YIPF1: variants seen among roughly 807,000 people sequenced by gnomAD.
The protein encoded by YIPF1 is Yip1 domain family member 1.
In YIPF1, 22 loss-of-function variants were observed where a neutral mutation model predicts 37.0. That is an observed-to-expected ratio of 0.59 (90% confidence interval 0.42 to 0.85). YIPF1 has a LOEUF of 0.85. YIPF1 is among the 40% of genes least tolerant of loss of function. YIPF1 has a pLI of 0.00. For synonymous variants in YIPF1, 128 were observed against 131.9 expected, an observed-to-expected ratio of 0.97 and a Z score of 0.21; for missense variants, 355 against 373.1, an observed-to-expected ratio of 0.95 and a Z score of 0.40.
intron 10 of YIPF1, among the ~76,000 whole-genome samples, chr1:53,854,506 A>G (rs1309255216): frequency 6.6e-6 from 1 of 152,150 alleles, no homozygotes; most frequent in Non-Finnish European, 1.5e-5. Context: ...TGGCTGCACT[A>G]TCGCATGGGC....
At chr1:53,863,962 G>A (rs778892528) in intron 9 of YIPF1, among the ~76,000 whole-genome samples, 1 of 152,018 alleles carries the variant, frequency 6.6e-6, no homozygotes, top group Non-Finnish European at 1.5e-5. Context: ...GGCTGATCTC[G>A]AACTCCTGAG....
chr1:53,856,802 G>A, intron 10 of YIPF1, among the ~76,000 whole-genome samples: 1 of 152,302 alleles, frequency 6.6e-6, no homozygotes, highest in East Asian at 1.9e-4. Flanking sequence ...ACAAGTTTGT[G>A]CTTGTGACTG....
chr1:53,876,309 T>A (rs1380014063), intron 6 of YIPF1, among the ~76,000 whole-genome samples: 2 of 152,228 alleles, frequency 1.3e-5, no homozygotes, highest in Admixed American at 1.3e-4. Flanking sequence ...GTGGTTTATT[T>A]TTTTACTTTA....
intron 9 of YIPF1, among the ~76,000 whole-genome samples, chr1:53,861,785 AG>A (rs1649889743): frequency 6.6e-6 from 1 of 152,068 alleles, no homozygotes; most frequent in Non-Finnish European, 1.5e-5. Context: ...AGGCCAAGGC[AG>A]GTGGATCATT....
intron 10 of YIPF1, among the ~76,000 whole-genome samples, chr1:53,856,388 G>A (rs1649719249): frequency 1.3e-5 from 2 of 152,170 alleles, no homozygotes; most frequent in Admixed American, 6.5e-5. Context: ...TCAACATGGC[G>A]ATGTCAGGTA....
intron 9 of YIPF1, 44 bp downstream of exon 9, chr1:53,866,156 T>C: frequency 6.3e-7 from 1 of 1,589,870 alleles, no homozygotes; most frequent in South Asian, 1.1e-5. Flanking sequence ...CTTTTAGCAT[T>C]TGGATATAAA....
intron 5 of YIPF1, 72 bp from the exon 6 acceptor site, chr1:53,878,474 A>C (rs1650393942): frequency 1.3e-6 from 2 of 1,544,944 alleles, no homozygotes; most frequent in African/African-American, 2.8e-5. Flanking sequence ...ACAAAATTGA[A>C]ACTCAGTCAT....
intron 7 of YIPF1, among the ~76,000 whole-genome samples, chr1:53,868,969 G>A (rs1650102480): frequency 6.6e-6 from 1 of 152,146 alleles, no homozygotes; most frequent in South Asian, 2.1e-4. Flanking sequence ...CTACTTGAAG[G>A]CAGGATCTAT....
At chr1:53,859,645 A>G (rs1316200780) in intron 10 of YIPF1, among the ~76,000 whole-genome samples, 1 of 152,170 alleles carries the variant, frequency 6.6e-6, no homozygotes, top group African/African-American at 2.4e-5. Context: ...AGCTTGGGCA[A>G]CAAGAGCGAA....
chr1:53,887,163 T>C (rs530924573), intron 3 of YIPF1, among the ~76,000 whole-genome samples: 2 of 151,944 alleles, frequency 1.3e-5, no homozygotes, highest in African/African-American at 4.9e-5. Flanking sequence ...CTCGGTTCAC[T>C]GCAACCTCTG....
chr1:53,864,580 T>C (rs759141911), intron 9 of YIPF1, among the ~76,000 whole-genome samples: 7 of 152,252 alleles, frequency 4.6e-5, no homozygotes, highest in Non-Finnish European at 1.0e-4. Flanking sequence ...GATCAAATGA[T>C]GCCAAAGAAA....
At chr1:53,860,021 G>C in intron 10 of YIPF1, 35 bp downstream of exon 10, 1 of 1,602,506 alleles carries the variant, frequency 6.2e-7, no homozygotes. Flanking sequence ...ATGTTTTATG[G>C]CACCACACAG....
intron 3 of YIPF1, among the ~76,000 whole-genome samples, chr1:53,884,154 G>A (rs990790100): frequency 1.0e-4 from 15 of 149,492 alleles, no homozygotes; most frequent in African/African-American, 3.2e-4. Context: ...AGGACTGCTC[G>A]AGCCTCAGAG....
intron 6 of YIPF1, among the ~76,000 whole-genome samples, chr1:53,871,759 G>A (rs772228123): frequency 2.0e-5 from 3 of 152,114 alleles, no homozygotes; most frequent in Non-Finnish European, 2.9e-5. Context: ...ACTGATTTCT[G>A]TATAGCTTCT....
rs1165437920 is a variant in YIPF1, at chr1:53,867,049, T to C, written c.482-125A>G. On this transcript the variant is annotated intron_variant, in intron 7 of 10. Coordinates refer to ENST00000072644, the MANE Select transcript of YIPF1 (RefSeq NM_018982.5). ...TTGACTTCAGTGGACCACGGAATCA[T>C]GTCTTACTGGTCTGTAATCCCTGAG... The C allele has an allele frequency of 1.6e-5, 18 of 1,149,172 alleles. No homozygotes were observed. In the Admixed American group the frequency reaches 2.6e-4, roughly 17 times the overall value. 71.2% of individuals were successfully genotyped at this position (1,149,172 alleles called of 1,614,324 possible). A position where few individuals can be genotyped will look rare whatever the true frequency, so the allele number is the denominator to read the frequency against.
At chr1:53,854,698 G>C (rs1193685529) in intron 10 of YIPF1, among the ~76,000 whole-genome samples, 2 of 152,170 alleles carry the variant, frequency 1.3e-5, no homozygotes, top group Non-Finnish European at 2.9e-5. Context: ...GGGAGGGTAA[G>C]GACTGATCTC....
Position 53,860,214 on chromosome 1 carries a change from T to A in YIPF1, c.832-61A>T. 2.6e-6 allele frequency: 4 copies of A among 1,516,262 alleles called. No individual in the cohort carries two copies. In the East Asian group the frequency reaches 9.1e-5, roughly 34 times the overall value. 93.9% of individuals were successfully genotyped at this position (1,516,262 alleles called of 1,614,324 possible). A position where few individuals can be genotyped will look rare whatever the true frequency, so the allele number is the denominator to read the frequency against. On this transcript the variant is annotated intron_variant, in intron 9 of 10. Transcript: ENST00000072644. ...AGACAGTGGTCCGGGTAAGTGTTTTTTTAGACTCCATGCTAACAGTACTTT... is the reference window on the plus strand; with the variant it reads ...AGACAGTGGTCCGGGTAAGTGTTTTATTAGACTCCATGCTAACAGTACTTT...
rs74368655 is a variant in YIPF1 at position 53,878,094 on chromosome 1, C to A, written c.364+221G>T. On this transcript the variant is annotated intron_variant, in intron 6 of 10. Coordinates refer to ENST00000072644, the MANE Select transcript of YIPF1 (RefSeq NM_018982.5). ...ACTGCGCTCAGCCCCATTTAAAGAC[C>A]TTTGAAGGATATACTAGTACTTGTA... Among the ~76,000 whole-genome samples the A allele has an allele frequency of 9.1e-4, 138 of 152,322 alleles. 2 individuals carry two copies. The East Asian group carries it at 0.022, about 24-fold the overall frequency.
intron 9 of YIPF1, among the ~76,000 whole-genome samples, chr1:53,860,579 C>A (rs564856073): frequency 8.7e-4 from 132 of 152,300 alleles, no homozygotes; most frequent in African/African-American, 3.2e-3. Context: ...TCCTCCAGGG[C>A]AAAGACTTCT....
Sources: allele counts gnomAD v4.1 joint callset (sites outside exome capture counted in the v4.1 genomes callset), GRCh38; gene constraint gnomAD v4.1.1; transcripts MANE v1.5; gene names NCBI Gene and HGNC (gene_info 2026-07-23, HGNC 2026-07-21).